Variants in CCDC14 observed in about 807,000 individuals in gnomAD.
The protein encoded by CCDC14 is coiled-coil domain containing 14, also known as coiled-coil domain-containing protein 14.
A neutral mutation model predicts 81.4 loss-of-function variants in CCDC14; 71 were observed. The ratio of observed to expected loss-of-function variants is 0.87; its 90% confidence interval spans 0.72 to 1.06. The LOEUF is 1.06. CCDC14 is among the 50% of genes least tolerant of loss of function. CCDC14 has a pLI of 0.00. For synonymous variants in CCDC14, 332 were observed against 364.8 expected (o/e 0.91, Z 1.03); for missense variants, 1,046 against 1,047.3 (o/e 1.00, Z 0.02).
chr3:123,913,583 A>C lies in CCDC14; in HGVS notation c.*1196T>G. 1.0e-6 allele frequency: 1 copy of C among 983,420 alleles called. No homozygotes were observed. Among genetic ancestry groups the C allele is most frequent in the South Asian group, 4.7e-5 (1 of 21,242 alleles). 60.9% of individuals were successfully genotyped at this position (983,420 alleles called of 1,614,324 possible). The stretch of plus-strand genomic sequence containing the variant: ...GAAATAGTTTAGAATTCACTTAATA[A>C]ATTTTTAGACTTAAATCTCTATCTG... On this transcript the variant is annotated 3_prime_UTR_variant, in exon 13 of 13. Transcript: ENST00000409697.
At position 123,946,907 on chromosome 3, in the gene CCDC14, G is replaced by A. The variant is rs369332217; in HGVS notation, c.1097C>T (p.Thr366Ile). Residue 366 changes from threonine to isoleucine, a missense_variant, in exon 8 of 13, where the codon ACA (threonine) becomes ATA (isoleucine). By Grantham distance (89) the Thr-to-Ile change is moderately conservative. Transcript: ENST00000409697. ...DLNIHVRDTK[T>I]VKDVQKAKNV... is the part of the protein sequence containing the mutation. ...TTTTGCCTTCTGTACATCCTTCACT[G>A]TTTTTGTATCTCGCACATGTATGTT... is the stretch of plus-strand genomic sequence containing the variant. The A allele has an allele frequency of 2.5e-6, 4 of 1,613,724 alleles. No homozygotes were observed. Among genetic ancestry groups the A allele is most frequent in the Admixed American group, 1.7e-5 (1 of 59,982 alleles).
chr3:123,905,378 G>A (rs1350837573), intron 5 of CCDC14, among the ~76,000 whole-genome samples: 1 of 152,110 alleles, frequency 6.6e-6, no homozygotes, highest in Non-Finnish European at 1.5e-5. Context: ...CTCACTTCTG[G>A]GGGGCAGAAG....
rs1320556501 is a variant in CCDC14 at position 123,956,405 on chromosome 3, G to A, written c.109C>T (p.Arg37Cys). Residue 37 changes from arginine to cysteine, a missense_variant, in exon 3 of 13, where the codon CGT becomes TGT. Physicochemically the swap from Arg to Cys is radical, Grantham distance 180. Transcript: ENST00000409697. ...KKATYLRKIP[R>C]FNADSGYSIH... Reference sequence around the variant, plus strand: ...GAATAGCCAGAATCTGCATTAAAACGTGGTATTTTTCTTAAATAGGTCCTG... The same window carrying A: ...GAATAGCCAGAATCTGCATTAAAACATGGTATTTTTCTTAAATAGGTCCTG... 9.7e-6 allele frequency: 15 copies of A among 1,546,534 alleles called. No homozygotes were observed. The highest frequency in any genetic ancestry group is 4.0e-5 in the Admixed American group (2 of 50,444).
intron 12 of CCDC14, among the ~76,000 whole-genome samples, chr3:123,920,647 A>G (rs2034990867): frequency 6.6e-6 from 1 of 152,246 alleles, no homozygotes; most frequent in Non-Finnish European, 1.5e-5. Flanking sequence ...ACAAATGCTA[A>G]GGGAGTTCAT....
Position 123,914,129 on chromosome 3 carries a change from T to A in CCDC14, c.*650A>T. On this transcript the variant is annotated 3_prime_UTR_variant, in exon 13 of 13. Transcript: ENST00000409697. ...AGCACTTCTTTATCAGTCTGACTAT[T>A]CTTTAAAGGCCTTAAAACATGAATT... is the stretch of plus-strand genomic sequence containing the variant. 7.1e-6 allele frequency: 7 copies of A among 985,760 alleles called. No homozygotes were observed. Among genetic ancestry groups the A allele is most frequent in the Non-Finnish European group, 8.4e-6 (7 of 829,848 alleles). 61.1% of individuals were successfully genotyped at this position (985,760 alleles called of 1,614,324 possible). A position where few individuals can be genotyped will look rare whatever the true frequency, so the allele number is the denominator to read the frequency against.
chr3:123,960,034 G>T (rs1448906302), intron 1 of CCDC14, among the ~76,000 whole-genome samples: 1 of 152,022 alleles, frequency 6.6e-6, no homozygotes, highest in Non-Finnish European at 1.5e-5. Context: ...AAATTATTTG[G>T]TGAAAGGTTA....
downstream of CCDC14, among the ~76,000 whole-genome samples, chr3:123,895,561 C>T (rs568899472): frequency 1.2e-4 from 18 of 152,268 alleles, no homozygotes; most frequent in South Asian, 3.3e-3. Context: ...AACATGTATG[C>T]CTGGGTCTTA....
rs1577322034 is a variant in CCDC14 at position 123,948,924 on chromosome 3, A to G, written c.561T>C (p.Ala187=). The part of the protein sequence containing the change: ...TSKNIPNGIP[A]VPCHAPSHSE... ...AATGAGAGGGAGCATGGCATGGTAC[A>G]GCAGGAATTCCATTAGGGATGTTCT... The change falls in exon 6 of 13, where the codon GCT becomes GCC. Residue 187 remains alanine, a synonymous_variant. Coordinates refer to ENST00000409697, the MANE Select transcript of CCDC14 (RefSeq NM_001366335.1). The G allele has an allele frequency of 1.2e-6, 2 of 1,613,904 alleles. No homozygotes were observed. Among genetic ancestry groups the G allele is most frequent in the East Asian group, 2.2e-5 (1 of 44,876 alleles).
intron 5 of CCDC14, among the ~76,000 whole-genome samples, chr3:123,903,037 C>G (rs376576023): frequency 6.6e-6 from 1 of 152,076 alleles, no homozygotes; most frequent in Non-Finnish European, 1.5e-5. Context: ...TCTCATCATT[C>G]AACTCCCACT....
chr3:123,901,088 C>T (rs2034168583), intron 5 of CCDC14, among the ~76,000 whole-genome samples: 3 of 151,726 alleles, frequency 2.0e-5, no homozygotes, highest in Non-Finnish European at 2.9e-5. Context: ...AAAAATTAGC[C>T]GGGCATGGAA....
At chr3:123,934,684 T>C (rs2035961514) in intron 9 of CCDC14, among the ~76,000 whole-genome samples, 1 of 152,234 alleles carries the variant, frequency 6.6e-6, no homozygotes, top group South Asian at 2.1e-4. Context: ...GTGTTTTCTT[T>C]ACTTCTAAGA....
In CCDC14 at chr3:123,933,720, T is replaced by G. The variant is rs1160824351; in HGVS notation, c.1379A>C (p.Gln460Pro). 6.4e-7 allele frequency: 1 copy of G among 1,574,586 alleles called. No homozygotes were observed. ...ACCAGATGGTTTTTGAGTTTTCTGT[T>G]GTTCTCTGAGTTGCTGGTTCAAAAT... ...LRILNQQLREQQKTQKPSGAV... is the reference protein window; with the variant it reads ...LRILNQQLREPQKTQKPSGAV... Residue 460 changes from glutamine (Q) to proline (P), a missense_variant, in exon 10 of 13, where the codon CAA (glutamine) becomes CCA (proline). Coordinates refer to ENST00000409697, the MANE Select transcript of CCDC14 (RefSeq NM_001366335.1).
chr3:123,925,320 CTGGGGTTGTGGTGGATG>C (rs1360245788), intron 12 of CCDC14, among the ~76,000 whole-genome samples: 2 of 151,950 alleles, frequency 1.3e-5, no homozygotes, highest in African/African-American at 4.8e-5. Flanking sequence ...TTACCAGAGA[CTGGGGTTGTGGTGGATG>C]TAAGGTAGGG....
At chr3:123,946,421 A>G (rs991514171) in intron 8 of CCDC14, among the ~76,000 whole-genome samples, 1 of 152,206 alleles carries the variant, frequency 6.6e-6, no homozygotes, top group Non-Finnish European at 1.5e-5. Context: ...GTGACAGGAA[A>G]GAATTCTCTG....
At chr3:123,940,580 ATCT>A (rs1195608841) in intron 9 of CCDC14, among the ~76,000 whole-genome samples, 7 of 151,836 alleles carry the variant, frequency 4.6e-5, no homozygotes, top group Non-Finnish European at 1.0e-4. Flanking sequence ...CCTAATTTTA[ATCT>A]TCTGTTCTTT....
At chr3:123,924,119 C>T (rs1487039933) in intron 12 of CCDC14, among the ~76,000 whole-genome samples, 1 of 152,000 alleles carries the variant, frequency 6.6e-6, no homozygotes, top group Non-Finnish European at 1.5e-5. Context: ...ATCAATGGAA[C>T]AGGACATAAA....
chr3:123,947,300 T>C lies in CCDC14; in HGVS notation c.704A>G (p.Asn235Ser), dbSNP rs1323707118. ...KVHSEVQTDGNSQFASQGKTV... is the reference protein window; with the variant it reads ...KVHSEVQTDGSSQFASQGKTV... ...TTTACCTTGTGATGCAAACTGACTG[T>C]TGCCATCAGTTTGAACTTCCTAAAG... Residue 235 changes from asparagine to serine, a missense_variant, in exon 8 of 13, where the codon AAC (asparagine) becomes AGC (serine). Asn to Ser is a conservative substitution (Grantham distance 46). Coordinates refer to ENST00000409697, the MANE Select transcript of CCDC14 (RefSeq NM_001366335.1). 1.2e-6 allele frequency: 2 copies of C among 1,609,586 alleles called. No individual in the cohort carries two copies. The highest frequency in any genetic ancestry group is 1.7e-6 in the Non-Finnish European group (2 of 1,176,774).
At chr3:123,949,207 A>G (rs149005531) in intron 5 of CCDC14, 75 bp from the exon 6 acceptor site, 1,446 of 889,412 alleles carry the variant, frequency 1.6e-3, no homozygotes, top group Middle Eastern at 2.4e-3. Context: ...TAAGAGAAGA[A>G]AGGGCTCTCA....
In CCDC14 at chr3:123,941,380, C is replaced by G. The variant is rs1393099114; in HGVS notation, c.1343+3469G>C. On this transcript the variant is annotated intron_variant, in intron 9 of 12. Transcript: ENST00000409697. Reference sequence around the variant, plus strand: ...GATGGCAATAAACTCCAAGAAAGTCCTGAAAGATGTGGTTAAAAAGAAACA... The same window carrying G: ...GATGGCAATAAACTCCAAGAAAGTCGTGAAAGATGTGGTTAAAAAGAAACA... Among the ~76,000 whole-genome samples, 4 of 151,772 alleles carry G rather than the reference C, an allele frequency of 2.6e-5. No individual in the cohort carries two copies. The East Asian group carries it at 7.7e-4, about 29-fold the overall frequency.
Sources: allele counts gnomAD v4.1 joint callset (sites outside exome capture counted in the v4.1 genomes callset), GRCh38; gene constraint gnomAD v4.1.1; transcripts MANE v1.5; gene names NCBI Gene and HGNC (gene_info 2026-07-23, HGNC 2026-07-21).